SYT9: variants seen among roughly 807,000 people sequenced by gnomAD.
SYT9 encodes the protein synaptotagmin 9.
In SYT9, 22 loss-of-function variants were observed where a neutral mutation model predicts 48.4. The observed-to-expected ratio is 0.45, with a 90% CI of 0.32 to 0.65. The LOEUF is 0.65. Among genes scored for constraint, SYT9 ranks in the 30% least tolerant of loss-of-function variants. SYT9 has a pLI of 0.03. For missense variants in SYT9, 577 were observed against 622.0 expected, an observed-to-expected ratio of 0.93 and a Z score of 0.77; for synonymous variants, 265 against 245.0, an observed-to-expected ratio of 1.08 and a Z score of -0.76.
chr11:7,294,478 C>A (rs903372358), intron 1 of SYT9, among the ~76,000 whole-genome samples: 4 of 152,170 alleles, frequency 2.6e-5, no homozygotes, highest in African/African-American at 9.7e-5. Context: ...CAGCTGTGAA[C>A]CTGTGAAACC....
At chr11:7,459,147 A>G (rs1848200207) in intron 6 of SYT9, among the ~76,000 whole-genome samples, 1 of 152,266 alleles carries the variant, frequency 6.6e-6, no homozygotes, top group African/African-American at 2.4e-5. Flanking sequence ...GACCGTGGAA[A>G]GATAGAGCTG....
At chr11:7,334,549 C>T (rs1278069010) in intron 3 of SYT9, among the ~76,000 whole-genome samples, 1 of 150,648 alleles carries the variant, frequency 6.6e-6, no homozygotes, top group Non-Finnish European at 1.5e-5. Context: ...TTTGTGAAAC[C>T]ATTTACCATA....
At position 7,306,774 on chromosome 11, in the gene SYT9, G is replaced by A. The variant is rs111846211; in HGVS notation, c.497+3384G>A. ...CTCCTTCCCACTTTAATTCTCCCTC[G>A]CATTGCCTTGTTTTCATGCCTTCAC... On this transcript the variant is annotated intron_variant, in intron 2 of 6. Coordinates refer to ENST00000318881, the MANE Select transcript of SYT9 (RefSeq NM_175733.4). 3.6e-3 allele frequency among the ~76,000 whole-genome samples: 551 copies of A among 151,968 alleles called. 7 individuals are homozygous for A. Among genetic ancestry groups the A allele is most frequent in the African/African-American group, 0.013 (537 of 41,436 alleles).
At chr11:7,369,179 C>T (rs1224366126) in intron 3 of SYT9, among the ~76,000 whole-genome samples, 3 of 152,196 alleles carry the variant, frequency 2.0e-5, no homozygotes, top group African/African-American at 7.2e-5. Flanking sequence ...AACATTCTAA[C>T]TGGCGTGAGA....
chr11:7,369,567 G>A (rs748355891), intron 3 of SYT9, among the ~76,000 whole-genome samples: 13 of 151,978 alleles, frequency 8.6e-5, no homozygotes, highest in South Asian at 4.2e-4. Flanking sequence ...CCTATGTCCC[G>A]AATGGTATTG....
intron 1 of SYT9, among the ~76,000 whole-genome samples, chr11:7,258,192 A>G (rs1253388679): frequency 1.3e-5 from 2 of 152,200 alleles, no homozygotes; most frequent in Non-Finnish European, 2.9e-5. Flanking sequence ...ACTTGAGGGA[A>G]CTAACAAGTT....
chr11:7,427,651 C>T (rs1462138914), intron 6 of SYT9: 1 of 152,190 alleles, frequency 6.6e-6, no homozygotes, highest in Admixed American at 6.5e-5. Flanking sequence ...TTTGCCCCAT[C>T]TACCTGTGAA....
chr11:7,384,357 T>C (rs917345283), intron 3 of SYT9, among the ~76,000 whole-genome samples: 2 of 152,158 alleles, frequency 1.3e-5, no homozygotes, highest in Non-Finnish European at 2.9e-5. Flanking sequence ...ACAATTAATG[T>C]ATGTGAAACT....
chr11:7,454,248 G>A, intron 6 of SYT9: 1 of 985,256 alleles, frequency 1.0e-6, no homozygotes, highest in Non-Finnish European at 1.2e-6. Flanking sequence ...CTTAGTTGAT[G>A]TCTTCCTCCC....
chr11:7,453,107 G>A (rs960319891), intron 6 of SYT9, among the ~76,000 whole-genome samples: 1 of 151,638 alleles, frequency 6.6e-6, no homozygotes, highest in African/African-American at 2.4e-5. Flanking sequence ...AGAATAAAAT[G>A]AGGCCGGGCA....
At chr11:7,462,999 A>C (rs1040070091) in intron 6 of SYT9, among the ~76,000 whole-genome samples, 9 of 152,234 alleles carry the variant, frequency 5.9e-5, no homozygotes, top group African/African-American at 2.2e-4. Flanking sequence ...GTTTCAATTC[A>C]ATTTAATTCA....
chr11:7,452,785 C>T (rs949569160), intron 6 of SYT9, among the ~76,000 whole-genome samples: 2 of 151,954 alleles, frequency 1.3e-5, no homozygotes, highest in East Asian at 3.9e-4. Context: ...AAACCTAACC[C>T]AAACTCCTTT....
chr11:7,391,534 C>G (rs1762485560), intron 3 of SYT9, among the ~76,000 whole-genome samples: 1 of 151,718 alleles, frequency 6.6e-6, no homozygotes, highest in South Asian at 2.1e-4. Flanking sequence ...TTGTGGTTTT[C>G]ATTTGCATTG....
intron 3 of SYT9, among the ~76,000 whole-genome samples, chr11:7,387,300 A>G (rs1850680650): frequency 6.6e-6 from 1 of 152,172 alleles, no homozygotes. Context: ...CTAAAACTTA[A>G]AGTATAATAA....
rs1370755752 is a variant in SYT9 at position 7,362,979 on chromosome 11, G to A, written c.1044+49038G>A. On this transcript the variant is annotated intron_variant, in intron 3 of 6. Transcript: ENST00000318881. ...TTTTTTTTTTTTTTTTTTTTTTTTG[G>A]CCATCGTGTCTTTCTTTCATCAGTT... is the stretch of plus-strand genomic sequence containing the variant. Among the ~76,000 whole-genome samples, 3 of 25,598 alleles carry A rather than the reference G, an allele frequency of 1.2e-4. No homozygotes were observed. The East Asian group carries it at 3.5e-3, about 30-fold the overall frequency. The allele number at this position is 25,598 out of a possible 152,430, so 16.8% of individuals were successfully genotyped here.
chr11:7,307,058 G>A (rs1361575903), intron 2 of SYT9, among the ~76,000 whole-genome samples: 1 of 152,226 alleles, frequency 6.6e-6, no homozygotes, highest in African/African-American at 2.4e-5. Flanking sequence ...AATGGTGTGA[G>A]GCTGGCGGAA....
intron 3 of SYT9, 82 bp from the exon 4 acceptor site, chr11:7,415,960 T>C: frequency 6.4e-7 from 1 of 1,572,698 alleles, no homozygotes; most frequent in Non-Finnish European, 8.7e-7. Flanking sequence ...GTGTGTTCCC[T>C]TTCAGTGTGG....
intron 6 of SYT9, among the ~76,000 whole-genome samples, chr11:7,429,366 A>G (rs1350047338): frequency 6.6e-6 from 1 of 152,204 alleles, no homozygotes; most frequent in African/African-American, 2.4e-5. Flanking sequence ...AAAGCACTAT[A>G]TACCCTGGGA....
chr11:7,250,164 C>T, upstream of SYT9, among the ~76,000 whole-genome samples: 1 of 152,282 alleles, frequency 6.6e-6, no homozygotes, highest in African/African-American at 2.4e-5. Flanking sequence ...CACATATGAC[C>T]CAGGTAACGT....
Sources: gnomAD v4.1 joint callset for allele counts (sites outside exome capture counted in the v4.1 genomes callset) on GRCh38, gnomAD v4.1.1 for gene constraint, MANE v1.5 for transcripts, NCBI Gene and HGNC (gene_info 2026-07-23, HGNC 2026-07-21) for gene names.